Variants in TTC6 observed in about 807,000 individuals in gnomAD.
The protein encoded by TTC6 is tetratricopeptide repeat domain 6.
In TTC6, 172 loss-of-function variants were observed where a neutral mutation model predicts 210.4. That is an observed-to-expected ratio of 0.82 (90% CI 0.72 to 0.93). The LOEUF (loss-of-function observed/expected upper bound fraction) is 0.93. TTC6 is among the 40% of genes least tolerant of loss of function. The pLI is 0.00. For missense variants in TTC6, 2,414 were observed against 2,318.1 expected, an observed-to-expected ratio of 1.04 and a Z score of -0.85; for synonymous variants, 804 against 819.6, an observed-to-expected ratio of 0.98 and a Z score of 0.32.
intron 1 of TTC6, among the ~76,000 whole-genome samples, chr14:37,623,638 G>T (rs1394916150): frequency 3.3e-5 from 5 of 152,116 alleles, no homozygotes; most frequent in Non-Finnish European, 7.4e-5. Context: ...AGTCCTGTCT[G>T]ACGTGGAGGC....
chr14:37,839,828 G>A (rs772797002), intron 29 of TTC6, among the ~76,000 whole-genome samples: 26 of 152,132 alleles, frequency 1.7e-4, no homozygotes, highest in Non-Finnish European at 2.8e-4. Flanking sequence ...TTTTGTATAA[G>A]GTGGAAGGAA....
At chr14:37,615,730 G>A (rs2095641675) in intron 2 of TTC6, among the ~76,000 whole-genome samples, 1 of 151,598 alleles carries the variant, frequency 6.6e-6, no homozygotes, top group South Asian at 2.1e-4. Flanking sequence ...GAACATCTGA[G>A]TCATTTCTGG....
intron 1 of TTC6, among the ~76,000 whole-genome samples, chr14:37,644,100 C>T (rs1466035477): frequency 6.6e-6 from 1 of 152,052 alleles, no homozygotes; most frequent in Non-Finnish European, 1.5e-5. Context: ...AAAACCAAAT[C>T]GGTTTAACTA....
At chr14:37,642,916 A>G (rs2095694749) in intron 1 of TTC6, among the ~76,000 whole-genome samples, 1 of 152,246 alleles carries the variant, frequency 6.6e-6, no homozygotes, top group Non-Finnish European at 1.5e-5. Context: ...TAGAAAAGAT[A>G]GAGTAAAAAT....
chr14:37,690,568 C>G (rs914462581), intron 3 of TTC6, among the ~76,000 whole-genome samples: 1 of 151,954 alleles, frequency 6.6e-6, no homozygotes, highest in South Asian at 2.1e-4. Flanking sequence ...CAGAAAAGAG[C>G]AGGAATCTCT....
chr14:37,599,899 C>G lies in TTC6; in HGVS notation c.-235+3891C>G, dbSNP rs568765367. On this transcript the variant is annotated intron_variant, in intron 1 of 2. Transcript: ENST00000556845. ...CGCGCGTCTCCCGCCGTTGTGGCCC[C>G]CGAGTTACTGACTTTTGTTCACACC... is the stretch of plus-strand genomic sequence containing the variant. 2.0e-5 allele frequency among the ~76,000 whole-genome samples: 3 copies of G among 152,264 alleles called. No homozygotes were observed. In the East Asian group the frequency reaches 5.9e-4, roughly 30 times the overall value.
chr14:37,735,992 T>C (rs1286845872), exon 8 of TTC6: 5 of 1,530,888 alleles, frequency 3.3e-6, no homozygotes, highest in Admixed American at 3.9e-5. Flanking sequence ...TACATCAACA[T>C]AGCAGAACAA....
At chr14:37,648,018 A>G (rs1179641926) in intron 1 of TTC6, among the ~76,000 whole-genome samples, 1 of 152,180 alleles carries the variant, frequency 6.6e-6, no homozygotes, top group Admixed American at 6.6e-5. Context: ...ACAAACACAC[A>G]CACACACACG....
At chr14:37,808,396 T>C (rs2096123064) in intron 23 of TTC6, among the ~76,000 whole-genome samples, 2 of 152,208 alleles carry the variant, frequency 1.3e-5, no homozygotes, top group Non-Finnish European at 2.9e-5. Context: ...GAATGTTTGC[T>C]GCATTAATAT....
chr14:37,662,716 G>T (rs767628405), intron 1 of TTC6, among the ~76,000 whole-genome samples: 42 of 152,152 alleles, frequency 2.8e-4, no homozygotes, highest in Non-Finnish European at 2.9e-5. Context: ...TCAGATGGTT[G>T]TAGGTGTGTG....
intron 1 of TTC6, among the ~76,000 whole-genome samples, chr14:37,646,223 A>T (rs74045687): frequency 0.017 from 2,616 of 152,290 alleles, 72 homozygotes; most frequent in African/African-American, 0.06. Flanking sequence ...GTGTGCCAAG[A>T]CCAGTTATAG....
chr14:37,619,361 T>C (rs755617116), upstream of TTC6, among the ~76,000 whole-genome samples: 1 of 152,186 alleles, frequency 6.6e-6, no homozygotes, highest in African/African-American at 2.4e-5. Flanking sequence ...ATTTTCTTCA[T>C]ACTATCAAAC....
chr14:37,670,358 C>A (rs546042989), intron 1 of TTC6, among the ~76,000 whole-genome samples: 1 of 151,322 alleles, frequency 6.6e-6, no homozygotes, highest in Non-Finnish European at 1.5e-5. Context: ...AAATACATTT[C>A]GTGATATTTG....
In TTC6 at chr14:37,596,366, A is replaced by G. The variant is rs543323552; in HGVS notation, c.-235+358A>G. 1.1e-4 allele frequency among the ~76,000 whole-genome samples: 17 copies of G among 152,376 alleles called. 1 individual carries two copies. In the South Asian group the frequency reaches 3.3e-3, roughly 30 times the overall value. ...AAGAGATGCCAGGCAGAAGCCCGAG[A>G]CTGCCCGCAGCGGCGCTTGGTCCTG... is the stretch of plus-strand genomic sequence containing the variant. On this transcript the variant is annotated intron_variant, in intron 1 of 2. Transcript: ENST00000556845.
intron 17 of TTC6, among the ~76,000 whole-genome samples, chr14:37,793,982 A>G (rs1480386617): frequency 1.3e-5 from 2 of 152,186 alleles, no homozygotes; most frequent in East Asian, 1.9e-4. Context: ...TTGTGTATGT[A>G]TGTACAAGAA....
intron 1 of TTC6, among the ~76,000 whole-genome samples, chr14:37,628,781 G>A (rs920410897): frequency 6.6e-6 from 1 of 152,136 alleles, no homozygotes; most frequent in Non-Finnish European, 1.5e-5. Context: ...GTTAATTTTT[G>A]TATAAGGTGC....
intron 1 of TTC6, among the ~76,000 whole-genome samples, chr14:37,674,540 C>G (rs1480936833): frequency 6.6e-6 from 1 of 151,926 alleles, no homozygotes; most frequent in African/African-American, 2.4e-5. Context: ...TATTATTATT[C>G]CCATTTTACA....
chr14:37,736,787 C>T lies in TTC6; in HGVS notation c.1908+777C>T, dbSNP rs182860305. ...CTTTTCTTTTTGAGACAAAATCTCA[C>T]TCCATCTACCAGGCTGGAGTACAGT... is the stretch of plus-strand genomic sequence containing the variant. On this transcript the variant is annotated intron_variant, in intron 8 of 30. Coordinates refer to ENST00000553443, the Ensembl canonical transcript of TTC6. Among the ~76,000 whole-genome samples, 24 of 152,264 alleles carry T rather than the reference C, an allele frequency of 1.6e-4. No individual in the cohort carries two copies. The East Asian group carries it at 4.5e-3, about 28-fold the overall frequency.
At chr14:37,739,855 A>C (rs1261928333) in intron 10 of TTC6, among the ~76,000 whole-genome samples, 1 of 152,056 alleles carries the variant, frequency 6.6e-6, no homozygotes, top group African/African-American at 2.4e-5. Flanking sequence ...AAATTATTGA[A>C]TTGAGTTATA....
Sources: allele counts gnomAD v4.1 joint callset (sites outside exome capture counted in the v4.1 genomes callset), GRCh38; gene constraint gnomAD v4.1.1; transcripts MANE v1.5; gene names NCBI Gene and HGNC (gene_info 2026-07-23, HGNC 2026-07-21).